Variants in ADAMTS12 observed in about 807,000 individuals in gnomAD.
ADAMTS12 encodes A disintegrin and metalloproteinase with thrombospondin motifs 12.
A neutral mutation model predicts 167.8 loss-of-function variants in ADAMTS12; 118 were observed. That is an observed-to-expected ratio of 0.70 (90% CI 0.61 to 0.82). The LOEUF (loss-of-function observed/expected upper bound fraction) is 0.82. ADAMTS12 is among the 40% of genes least tolerant of loss of function. The pLI is 0.00. For missense variants in ADAMTS12, 1,916 were observed against 1,998.8 expected, an observed-to-expected ratio of 0.96 and a Z score of 0.79; for synonymous variants, 704 against 716.9, an observed-to-expected ratio of 0.98 and a Z score of 0.29.
At chr5:33,746,601 T>C (rs902405717) in intron 3 of ADAMTS12, among the ~76,000 whole-genome samples, 2 of 151,896 alleles carry the variant, frequency 1.3e-5, no homozygotes, top group African/African-American at 2.4e-5. Flanking sequence ...AGGCCAAAAG[T>C]AGAAAAAAAT....
rs781094208 is a variant in ADAMTS12, at chr5:33,891,716, G to A, written c.127+14C>T. The A allele has an allele frequency of 1.2e-6, 2 of 1,613,728 alleles. No individual in the cohort carries two copies. The highest frequency in any genetic ancestry group is 2.7e-5 in the African/African-American group (2 of 74,974). ...CACCACTGTTTTAAAAAGAAATAAA[G>A]AAGAGTCACTAACCTTGCCTCCTGT... On this transcript the variant is annotated intron_variant, in intron 1 of 23. Coordinates refer to ENST00000504830, the MANE Select transcript of ADAMTS12 (RefSeq NM_030955.4).
chr5:33,717,463 G>A (rs1743655427), intron 3 of ADAMTS12, among the ~76,000 whole-genome samples: 1 of 152,144 alleles, frequency 6.6e-6, no homozygotes, highest in South Asian at 2.1e-4. Flanking sequence ...ACCCTGTAAG[G>A]TAAGTACTAC....
At chr5:33,687,157 C>G (rs1251188014) in intron 3 of ADAMTS12, among the ~76,000 whole-genome samples, 9 of 151,134 alleles carry the variant, frequency 6.0e-5, no homozygotes, top group Admixed American at 5.9e-4. Context: ...GGTAGTTACT[C>G]AGTAGTAAAC....
intron 16 of ADAMTS12, among the ~76,000 whole-genome samples, chr5:33,609,368 CTTT>C (rs66470839): frequency 1.4e-5 from 2 of 141,358 alleles, no homozygotes; most frequent in South Asian, 2.3e-4. Flanking sequence ...AAAAATTTAA[CTTT>C]TTTTTTTTTT....
intron 19 of ADAMTS12, among the ~76,000 whole-genome samples, chr5:33,574,691 T>C (rs1204073915): frequency 6.6e-6 from 1 of 152,114 alleles, no homozygotes; most frequent in Non-Finnish European, 1.5e-5. Context: ...GTCACATGTA[T>C]ACATATGTAA....
intron 5 of ADAMTS12, among the ~76,000 whole-genome samples, chr5:33,682,016 T>A (rs1362145308): frequency 6.6e-6 from 1 of 152,208 alleles, no homozygotes; most frequent in Non-Finnish European, 1.5e-5. Flanking sequence ...TTTAAAATGA[T>A]CATCCATGGA....
intron 19 of ADAMTS12, among the ~76,000 whole-genome samples, chr5:33,567,530 C>T (rs565597810): frequency 1.3e-5 from 2 of 152,294 alleles, no homozygotes; most frequent in African/African-American, 4.8e-5. Flanking sequence ...GGTGCCTCTC[C>T]CCAATGTTCC....
chr5:33,545,071 C>G (rs1456233538), intron 22 of ADAMTS12, among the ~76,000 whole-genome samples: 1 of 152,184 alleles, frequency 6.6e-6, no homozygotes, highest in African/African-American at 2.4e-5. Flanking sequence ...AGTGAACAGG[C>G]AACCTACAGA....
At chr5:33,706,132 T>C (rs1321901089) in intron 3 of ADAMTS12, among the ~76,000 whole-genome samples, 1 of 152,210 alleles carries the variant, frequency 6.6e-6, no homozygotes, top group Non-Finnish European at 1.5e-5. Flanking sequence ...GAAAGTTTTA[T>C]GGCAAAATAG....
chr5:33,599,568 T>C (rs1738082684), intron 16 of ADAMTS12, among the ~76,000 whole-genome samples: 1 of 152,128 alleles, frequency 6.6e-6, no homozygotes, highest in African/African-American at 2.4e-5. Flanking sequence ...CTAGGGATGG[T>C]AGCCTTATTC....
chr5:33,694,293 G>A (rs1742670369), intron 3 of ADAMTS12, among the ~76,000 whole-genome samples: 1 of 152,108 alleles, frequency 6.6e-6, no homozygotes, highest in Non-Finnish European at 1.5e-5. Context: ...CTTTATAACA[G>A]AAAAACTAAG....
intron 2 of ADAMTS12, among the ~76,000 whole-genome samples, chr5:33,814,728 C>T (rs1172715539): frequency 6.6e-6 from 1 of 152,158 alleles, no homozygotes; most frequent in Admixed American, 6.5e-5. Flanking sequence ...GGCAAGTGTA[C>T]AACATGCACA....
At chr5:33,685,997 C>T (rs1032995805) in intron 3 of ADAMTS12, among the ~76,000 whole-genome samples, 8 of 152,222 alleles carry the variant, frequency 5.3e-5, no homozygotes, top group East Asian at 3.9e-4. Flanking sequence ...TTTTCTGAAA[C>T]GGCTGTTACA....
At chr5:33,719,384 T>C (rs1035686961) in intron 3 of ADAMTS12, among the ~76,000 whole-genome samples, 2 of 152,208 alleles carry the variant, frequency 1.3e-5, no homozygotes, top group Admixed American at 6.5e-5. Flanking sequence ...ACACTCTGGG[T>C]TGGGTGAAAA....
At chr5:33,604,268 G>C (rs1296943548) in intron 16 of ADAMTS12, among the ~76,000 whole-genome samples, 1 of 152,152 alleles carries the variant, frequency 6.6e-6, no homozygotes, top group Non-Finnish European at 1.5e-5. Context: ...GAGCAGGAAT[G>C]AAGTGGGCAG....
rs538562765 is a variant in ADAMTS12, at chr5:33,733,182, AT to A, written c.634+18221del. ...TTATATTATTTTCCCAGTAAAAAAAATATATGGTTATTATATTTGGTTATTA... is the reference window on the plus strand; with the variant it reads ...TTATATTATTTTCCCAGTAAAAAAAAATATGGTTATTATATTTGGTTATTA... On this transcript the variant is annotated intron_variant, in intron 3 of 23. Coordinates refer to ENST00000504830, the MANE Select transcript of ADAMTS12 (RefSeq NM_030955.4). Among the ~76,000 whole-genome samples the A allele has an allele frequency of 2.7e-3, 387 of 143,854 alleles. 1 individual carries two copies. Among genetic ancestry groups the A allele is most frequent in the Middle Eastern group, 3.6e-3 (1 of 274 alleles). The allele number at this position is 143,854 out of a possible 152,430, so 94.4% of individuals were successfully genotyped here. A position where few individuals can be genotyped will look rare whatever the true frequency, so the allele number is the denominator to read the frequency against.
intron 2 of ADAMTS12, among the ~76,000 whole-genome samples, chr5:33,753,618 C>A (rs546321465): frequency 6.6e-6 from 1 of 152,256 alleles, no homozygotes; most frequent in Admixed American, 6.5e-5. Flanking sequence ...AAAGACACCA[C>A]CAAGATGAAG....
intron 2 of ADAMTS12, among the ~76,000 whole-genome samples, chr5:33,853,667 T>C (rs1749298062): frequency 6.6e-6 from 1 of 152,254 alleles, no homozygotes; most frequent in Non-Finnish European, 1.5e-5. Context: ...TCCCTGCTAC[T>C]GTTTTAAGCA....
intron 17 of ADAMTS12, 109 bp downstream of exon 17, chr5:33,595,825 C>G (rs1254782189): frequency 2.0e-6 from 3 of 1,484,140 alleles, no homozygotes; most frequent in Non-Finnish European, 2.7e-6. Flanking sequence ...TGTATTTATC[C>G]AAATAACAAA....
Sources: gnomAD v4.1 joint callset for allele counts (sites outside exome capture counted in the v4.1 genomes callset) on GRCh38, gnomAD v4.1.1 for gene constraint, MANE v1.5 for transcripts, NCBI Gene and HGNC (gene_info 2026-07-23, HGNC 2026-07-21) for gene names.